The following SUDS3 variants were observed in gnomAD, a reference collection of about 807,000 sequenced individuals.
SUDS3 encodes the protein SIN3A corepressor complex component SDS3, also known as sin3 histone deacetylase corepressor complex component SDS3.
A neutral mutation model predicts 53.5 loss-of-function variants in SUDS3; 23 were observed. The ratio of observed to expected loss-of-function variants is 0.43; its 90% confidence interval spans 0.31 to 0.61. SUDS3 has a LOEUF of 0.61. Among genes scored for constraint, SUDS3 ranks in the 20% least tolerant of loss-of-function variants. SUDS3 has a pLI of 0.10. For synonymous variants in SUDS3, 150 were observed against 148.5 expected (o/e 1.01, Z -0.08); for missense variants, 291 against 405.9 (o/e 0.72, Z 2.43).
intron 1 of SUDS3, among the ~76,000 whole-genome samples, chr12:118,377,175 C>T (rs1343154508): frequency 2.6e-5 from 4 of 152,018 alleles, no homozygotes; most frequent in Non-Finnish European, 5.9e-5. Context: ...GTGTAGTTCG[C>T]CCCTTTTTTG....
chr12:118,397,026 G>A (rs2046222208), intron 6 of SUDS3, among the ~76,000 whole-genome samples: 1 of 152,090 alleles, frequency 6.6e-6, no homozygotes. Flanking sequence ...CTTGTTTGAT[G>A]TTTTTTCTCA....
Position 118,393,731 on chromosome 12 carries a change from C to T in SUDS3, c.517+2449C>T, listed in dbSNP as rs533007616. ...TGTCGCCCAGGCTGGAATGCAGTGG[C>T]GCAGTCTCGGCTCACTGCAACCTCC... On this transcript the variant is annotated intron_variant, in intron 6 of 11. Coordinates refer to ENST00000543473, the MANE Select transcript of SUDS3 (RefSeq NM_022491.3). 1.2e-4 allele frequency among the ~76,000 whole-genome samples: 18 copies of T among 151,502 alleles called. No homozygotes were observed. The South Asian group carries it at 2.9e-3, about 25-fold the overall frequency.
At chr12:118,400,597 A>G (rs146127798) in intron 6 of SUDS3, 62 bp from the exon 7 acceptor site, 1 of 1,505,202 alleles carries the variant, frequency 6.6e-7, no homozygotes, top group East Asian at 2.3e-5. Flanking sequence ...CTTATACTAT[A>G]GAAATTCTTA....
chr12:118,382,759 C>G (rs1357230808), intron 2 of SUDS3, among the ~76,000 whole-genome samples: 1 of 151,810 alleles, frequency 6.6e-6, no homozygotes, highest in East Asian at 1.9e-4. Context: ...CCTCCAGCCC[C>G]TGGGTTCAAG....
chr12:118,402,242 A>G lies in SUDS3; in HGVS notation c.697+238A>G, dbSNP rs142280926. 4.4e-4 allele frequency: 243 copies of G among 551,096 alleles called. 1 individual carries two copies. The highest frequency in any genetic ancestry group is 4.0e-3 in the African/African-American group (211 of 52,734). 34.1% of individuals were successfully genotyped at this position (551,096 alleles called of 1,614,324 possible). A position where few individuals can be genotyped will look rare whatever the true frequency, so the allele number is the denominator to read the frequency against. ...TTTCTTAGGATTTATCATAAAAGAG[A>G]CATTTGATTGATTGATTGATTTCCT... On this transcript the variant is annotated intron_variant, in intron 9 of 11. Coordinates refer to ENST00000543473, the MANE Select transcript of SUDS3 (RefSeq NM_022491.3).
intron 11 of SUDS3, among the ~76,000 whole-genome samples, chr12:118,412,806 G>A (rs187243557): frequency 5.3e-5 from 8 of 152,318 alleles, no homozygotes; most frequent in South Asian, 2.1e-4. Context: ...ACATAATAGA[G>A]TGTCAGTGAG....
At chr12:118,384,106 T>G (rs370635245) in intron 3 of SUDS3, 39 bp downstream of exon 3, 140 of 1,588,962 alleles carry the variant, frequency 8.8e-5, no homozygotes, top group Non-Finnish European at 1.2e-4. Context: ...TAAATATGCT[T>G]CTTAATATTA....
intron 10 of SUDS3, among the ~76,000 whole-genome samples, chr12:118,408,201 T>G (rs774050105): frequency 1.3e-5 from 2 of 150,010 alleles, no homozygotes; most frequent in Non-Finnish European, 3.0e-5. Context: ...GCCTGGCCAA[T>G]TTTTTGTATT....
At chr12:118,377,063 C>G (rs1419690245) in intron 1 of SUDS3, among the ~76,000 whole-genome samples, 2 of 152,204 alleles carry the variant, frequency 1.3e-5, no homozygotes, top group East Asian at 3.9e-4. Flanking sequence ...TAGATGTTGT[C>G]ACGCTGGGGG....
intron 6 of SUDS3, among the ~76,000 whole-genome samples, chr12:118,394,892 C>T (rs1299657617): frequency 5.3e-5 from 8 of 152,174 alleles, no homozygotes; most frequent in East Asian, 3.9e-4. Context: ...TGCCATGTTG[C>T]GTAGCTGGTC....
At chr12:118,377,037 A>T (rs2141355579) in intron 1 of SUDS3, among the ~76,000 whole-genome samples, 1 of 152,210 alleles carries the variant, frequency 6.6e-6, no homozygotes, top group African/African-American at 2.4e-5. Context: ...CTCGACCGTG[A>T]TGGGGAGAGG....
intron 6 of SUDS3, among the ~76,000 whole-genome samples, chr12:118,400,423 G>A (rs1041596788): frequency 1.3e-5 from 2 of 152,128 alleles, no homozygotes; most frequent in African/African-American, 4.8e-5. Context: ...AATGCTTGAC[G>A]GTAGGGCTGC....
At chr12:118,413,331 G>A (rs2046374365) in intron 11 of SUDS3, among the ~76,000 whole-genome samples, 1 of 152,170 alleles carries the variant, frequency 6.6e-6, no homozygotes, top group South Asian at 2.1e-4. Flanking sequence ...CTATTTAATT[G>A]CATGTTACAG....
chr12:118,412,349 T>C (rs1482138169), intron 11 of SUDS3, among the ~76,000 whole-genome samples: 1 of 152,262 alleles, frequency 6.6e-6, no homozygotes, highest in East Asian at 1.9e-4. Flanking sequence ...TTCGTGCCAG[T>C]GCACAGTAAA....
At chr12:118,392,712 T>C (rs2046178595) in intron 6 of SUDS3, among the ~76,000 whole-genome samples, 1 of 152,234 alleles carries the variant, frequency 6.6e-6, no homozygotes, top group South Asian at 2.1e-4. Context: ...CTGGCATTGA[T>C]GCCTCATTGT....
chr12:118,400,589 T>A, intron 6 of SUDS3, 70 bp from the exon 7 acceptor site: 1 of 1,453,316 alleles, frequency 6.9e-7, no homozygotes, highest in Non-Finnish European at 9.7e-7. Flanking sequence ...CAGATATTCT[T>A]ATACTATAGA....
chr12:118,414,283 T>A, intron 11 of SUDS3, 52 bp from the exon 12 acceptor site: 1 of 1,344,610 alleles, frequency 7.4e-7, no homozygotes, highest in South Asian at 1.3e-5. Flanking sequence ...TGTAGGAGAT[T>A]TGCTCTTCTG....
At chr12:118,398,343 G>A (rs75059768) in intron 6 of SUDS3, among the ~76,000 whole-genome samples, 3,359 of 152,202 alleles carry the variant, frequency 0.022, 123 homozygotes, top group African/African-American at 0.076. Context: ...TCAAACGCAC[G>A]TTTGTGTGAC....
At chr12:118,412,903 A>G (rs1160587781) in intron 11 of SUDS3, among the ~76,000 whole-genome samples, 2 of 152,070 alleles carry the variant, frequency 1.3e-5, no homozygotes, top group Middle Eastern at 3.2e-3. Flanking sequence ...CAATGGGGAA[A>G]CCGTTCTCAT....
Sources: allele counts gnomAD v4.1 joint callset (sites outside exome capture counted in the v4.1 genomes callset), GRCh38; gene constraint gnomAD v4.1.1; transcripts MANE v1.5; gene names NCBI Gene and HGNC (gene_info 2026-07-23, HGNC 2026-07-21).